The following CCT3 variants were observed in gnomAD, a reference collection of about 807,000 sequenced individuals.
CCT3 encodes the protein chaperonin containing TCP1 subunit 3, also known as T-complex protein 1 subunit gamma.
A neutral mutation model predicts 65.3 loss-of-function variants in CCT3; 10 were observed. The observed-to-expected ratio is 0.15, with a 90% CI of 0.09 to 0.26. The LOEUF (loss-of-function observed/expected upper bound fraction) is 0.26, where lower values mean the gene tolerates loss of function less well. CCT3 is among the 10% of genes least tolerant of loss of function. The pLI, the probability that CCT3 is intolerant of heterozygous loss-of-function variation, is 1.00. For missense variants in CCT3, 626 were observed against 708.7 expected (o/e 0.88, Z 1.33); for synonymous variants, 225 against 242.3 (o/e 0.93, Z 0.66).
chr1:156,337,176 G>C (rs144069451), intron 1 of CCT3: 185 of 732,670 alleles, frequency 2.5e-4, no homozygotes, highest in African/African-American at 1.8e-3. Context: ...AGGCCGAGGT[G>C]GGCGGATCAC....
chr1:156,330,536 C>T (rs986391292), intron 5 of CCT3, among the ~76,000 whole-genome samples: 2 of 151,732 alleles, frequency 1.3e-5, no homozygotes, highest in African/African-American at 2.4e-5. Context: ...TGGTGGCATG[C>T]GCCTATAATC....
In CCT3 at chr1:156,334,873, T is replaced by C; in HGVS notation, c.139A>G (p.Met47Val). ...IRTCLGPKSM[M>V]KMLLDPMGGI... ...TTAGGAAGAGATAAGCCTACCTTCA[T>C]CATGGACTTGGGTCCCAAACATGTT... is the stretch of plus-strand genomic sequence containing the variant. The change falls in exon 3 of 14, where the codon ATG becomes GTG. Residue 47 changes from methionine to valine, a missense_variant. By Grantham distance (21) the Met-to-Val change is conservative. Transcript: ENST00000295688. The C allele has an allele frequency of 6.2e-7, 1 of 1,614,080 alleles. No individual in the cohort carries two copies. The highest frequency in any genetic ancestry group is 8.5e-7 in the Non-Finnish European group (1 of 1,179,984).
intron 10 of CCT3, among the ~76,000 whole-genome samples, chr1:156,314,140 CATG>C (rs376381120): frequency 7.1e-6 from 1 of 140,784 alleles, no homozygotes; most frequent in African/African-American, 2.6e-5. Flanking sequence ...ACAAAGAGAA[CATG>C]ATGAAAATAT....
chr1:156,330,679 A>C (rs1471074908), intron 5 of CCT3, among the ~76,000 whole-genome samples: 1 of 151,510 alleles, frequency 6.6e-6, no homozygotes, highest in Non-Finnish European at 1.5e-5. Flanking sequence ...TAAATAAATA[A>C]AATTTAAAAA....
chr1:156,325,141 G>A lies in CCT3; in HGVS notation c.305-52C>T, dbSNP rs1022009445. 1.1e-5 allele frequency: 14 copies of A among 1,258,908 alleles called. No homozygotes were observed. The African/African-American group carries it at 1.6e-4, about 14-fold the overall frequency. 78.0% of individuals were successfully genotyped at this position (1,258,908 alleles called of 1,614,324 possible). A position where few individuals can be genotyped will look rare whatever the true frequency, so the allele number is the denominator to read the frequency against. ...ATATTTAAAGCATCTGGATATCAAG[G>A]CAAGTAACTTAATTATTCTTCCAAA... is the stretch of plus-strand genomic sequence containing the variant. On this transcript the variant is annotated intron_variant, in intron 5 of 13. Transcript: ENST00000295688.
In CCT3 at chr1:156,323,526, G is replaced by A. The variant is rs935792421; in HGVS notation, c.422+1446C>T. The stretch of plus-strand genomic sequence containing the variant: ...GTCGCCCAGCCTGGAGTGCAGTGGT[G>A]CAATCTCTGCTCACTGCAAGCTCTG... On this transcript the variant is annotated intron_variant, in intron 6 of 13. Transcript: ENST00000295688. Among the ~76,000 whole-genome samples the A allele has an allele frequency of 3.3e-5, 5 of 152,080 alleles. No individual in the cohort carries two copies. In the South Asian group the frequency reaches 1.0e-3, roughly 32 times the overall value.
intron 11 of CCT3, 22 bp downstream of exon 11, chr1:156,312,018 TC>T: frequency 6.3e-7 from 1 of 1,589,590 alleles, no homozygotes; most frequent in Non-Finnish European, 8.6e-7. Context: ...CTTCATCTGG[TC>T]ATACATCCAA....
chr1:156,334,476 G>A (rs1665248212), intron 4 of CCT3, among the ~76,000 whole-genome samples: 1 of 152,100 alleles, frequency 6.6e-6, no homozygotes, highest in Non-Finnish European at 1.5e-5. Context: ...CCATCAGAAG[G>A]GAGAAGCGGA....
chr1:156,331,465 C>T (rs2101671048), intron 5 of CCT3, among the ~76,000 whole-genome samples: 1 of 152,174 alleles, frequency 6.6e-6, no homozygotes, highest in African/African-American at 2.4e-5. Context: ...GTCAGATCAC[C>T]TGAGCTCAGG....
At chr1:156,310,880 A>G (rs10908500) in intron 12 of CCT3, 70 bp downstream of exon 12, 1 of 1,549,940 alleles carries the variant, frequency 6.5e-7, no homozygotes, top group African/African-American at 1.4e-5. Context: ...TAGCCAGATA[A>G]GAATCTTCCC....
intron 5 of CCT3, among the ~76,000 whole-genome samples, chr1:156,332,161 G>A (rs1665128929): frequency 6.6e-6 from 1 of 152,222 alleles, no homozygotes; most frequent in South Asian, 2.1e-4. Flanking sequence ...GACTACAGGT[G>A]TGTGCCACCA....
At chr1:156,319,483 T>C (rs1664458852) in intron 7 of CCT3, among the ~76,000 whole-genome samples, 1 of 152,146 alleles carries the variant, frequency 6.6e-6, no homozygotes. Context: ...ATCACATTTT[T>C]TTCCCATTAG....
At chr1:156,326,983 T>C (rs1664842531) in intron 5 of CCT3, among the ~76,000 whole-genome samples, 1 of 152,088 alleles carries the variant, frequency 6.6e-6, no homozygotes, top group African/African-American at 2.4e-5. Context: ...GAGGCAGAGG[T>C]TGCAGTGAGT....
At chr1:156,327,068 T>A (rs1664846032) in intron 5 of CCT3, among the ~76,000 whole-genome samples, 2 of 152,112 alleles carry the variant, frequency 1.3e-5, no homozygotes, top group African/African-American at 4.8e-5. Context: ...CAAATAAAAT[T>A]TGTCTTTACT....
intron 5 of CCT3, among the ~76,000 whole-genome samples, chr1:156,327,193 C>CTTT (rs1042248351): frequency 1.6e-4 from 25 of 152,170 alleles, no homozygotes; most frequent in African/African-American, 5.8e-4. Context: ...TGTCAAAAGC[C>CTTT]TTTTGCACAA....
At chr1:156,332,043 A>AAAG (rs34561467) in intron 5 of CCT3, among the ~76,000 whole-genome samples, 32,028 of 149,796 alleles carry the variant, frequency 0.21, 3,702 homozygotes, top group Admixed American at 0.31. Flanking sequence ...AAAAAAAAAA[A>AAAG]GAGACATGGT....
intron 7 of CCT3, among the ~76,000 whole-genome samples, chr1:156,320,402 T>G (rs1487400908): frequency 6.6e-6 from 1 of 151,998 alleles, no homozygotes; most frequent in African/African-American, 2.4e-5. Flanking sequence ...AGAGCAAGAC[T>G]CCATCTCAAA....
At position 156,313,314 on chromosome 1, in the gene CCT3, G is replaced by A. The variant is rs190002117; in HGVS notation, c.975-1093C>T. 7.1e-4 allele frequency among the ~76,000 whole-genome samples: 99 copies of A among 138,620 alleles called. 1 individual carries two copies. Among genetic ancestry groups the A allele is most frequent in the African/African-American group, 2.4e-3 (94 of 38,490 alleles). 90.9% of individuals were successfully genotyped at this position (138,620 alleles called of 152,430 possible). On this transcript the variant is annotated intron_variant, in intron 10 of 13. Coordinates refer to ENST00000295688, the MANE Select transcript of CCT3 (RefSeq NM_005998.5). ...AGATTTCACCACTGCACTCCAGCCT[G>A]GGTGACAGAGTAAGATTCTGTCTCA...
At position 156,325,083 on chromosome 1, in the gene CCT3, T is replaced by C; in HGVS notation, c.311A>G (p.Glu104Gly). 6.2e-7 allele frequency: 1 copy of C among 1,608,800 alleles called. No homozygotes were observed. The highest frequency in any genetic ancestry group is 1.7e-5 in the Admixed American group (1 of 59,990). Residue 104 changes from glutamate to glycine, a missense_variant, in exon 6 of 14, where the codon GAA becomes GGA. Transcript: ENST00000295688. ...GAAGTGCTCAGCTACAGACAGCATT[T>C]CCCCTGCTGAAAAAGATACAAGCAC... is the stretch of plus-strand genomic sequence containing the variant. ...GTTSVIILAG[E>G]MLSVAEHFLE...
Sources: allele counts gnomAD v4.1 joint callset (sites outside exome capture counted in the v4.1 genomes callset), GRCh38; gene constraint gnomAD v4.1.1; transcripts MANE v1.5; gene names NCBI Gene and HGNC (gene_info 2026-07-23, HGNC 2026-07-21).